Variants in MAPK7 observed in about 807,000 individuals in gnomAD.
MAPK7 encodes BMK-1.
In MAPK7, 30 loss-of-function variants were observed where a neutral mutation model predicts 56.9. The ratio of observed to expected loss-of-function variants is 0.53; its 90% CI spans 0.39 to 0.72. MAPK7 has a LOEUF of 0.72. MAPK7 is among the 30% of genes least tolerant of loss of function. The pLI is 0.00. For synonymous variants in MAPK7, 516 were observed against 449.3 expected, an observed-to-expected ratio of 1.15 and a Z score of -1.88; for missense variants, 952 against 1,110.8, an observed-to-expected ratio of 0.86 and a Z score of 2.03.
upstream of MAPK7, chr17:19,378,319 T>C (rs1912275406): frequency 5.1e-6 from 5 of 988,362 alleles, no homozygotes; most frequent in Non-Finnish European, 6.0e-6. This position sits in a 1 kb window ranked among gnomAD's most constrained non-coding sequence, Gnocchi z 5.4. Flanking sequence ...GGGCACCCTT[T>C]GGGCGGCTCC....
Position 19,381,514 on chromosome 17 carries a change from A to G in MAPK7, c.1305A>G (p.Pro435=), listed in dbSNP as rs1244240856. The change falls in exon 4 of 7, where the codon CCA becomes CCG. Residue 435 remains proline (P), a synonymous_variant. Transcript: ENST00000395604. This position sits in a 1 kb window ranked among gnomAD's most constrained non-coding sequence, Gnocchi z 4.6. ...PSGDCAMESP[P]PAPPPCPGPA... ...GGGACTGTGCCATGGAGTCTCCACC[A>G]CCAGCCCCGCCACCATGCCCCGGCC... is the stretch of plus-strand genomic sequence containing the variant. 6.2e-7 allele frequency: 1 copy of G among 1,613,500 alleles called. No homozygotes were observed. Among genetic ancestry groups the G allele is most frequent in the East Asian group, 2.2e-5 (1 of 44,872 alleles).
chr17:19,378,855 C>T lies in MAPK7; in HGVS notation c.-5-41C>T, dbSNP rs573586298. The T allele has an allele frequency of 4.0e-6, 6 of 1,490,906 alleles. No individual in the cohort carries two copies. Among genetic ancestry groups the T allele is most frequent in the African/African-American group, 1.4e-5 (1 of 71,824 alleles). 92.4% of individuals were successfully genotyped at this position (1,490,906 alleles called of 1,614,324 possible). ...CAGCCCGCAGAGGGGACACTGAGGC[C>T]CACGGTAGGTGGTCCTCTCCTCACC... On this transcript the variant is annotated intron_variant, in intron 1 of 6. Transcript: ENST00000395604. The surrounding 1 kb of genome is among the most constrained non-coding windows in gnomAD (Gnocchi z 5.4).
At position 19,381,615 on chromosome 17, in the gene MAPK7, G is replaced by C; in HGVS notation, c.1406G>C (p.Gly469Ala). The C allele has an allele frequency of 6.2e-7, 1 of 1,613,826 alleles. No homozygotes were observed. Among genetic ancestry groups the C allele is most frequent in the Non-Finnish European group, 8.5e-7 (1 of 1,179,902 alleles). ...VSEPAPPKKDGAISDNTKAAL... is the reference protein window; with the variant it reads ...VSEPAPPKKDAAISDNTKAAL... ...GAGCCTGCCCCACCAAAGAAAGATG[G>C]TGCCATCTCAGACAATACTAAGGCT... The change falls in exon 4 of 7, where the codon GGT (glycine) becomes GCT (alanine). Residue 469 changes from glycine to alanine, a missense_variant. Around this residue, in one of 5 missense-constraint regions of MAPK7, gnomAD observed 429 missense variants for 533.0 expected, o/e 0.80. Coordinates refer to ENST00000395604, the MANE Select transcript of MAPK7 (RefSeq NM_002749.4). The surrounding 1 kb of genome is among the most constrained non-coding windows in gnomAD (Gnocchi z 4.6).
In MAPK7 at chr17:19,379,131, C is replaced by T. The variant is rs142428761; in HGVS notation, c.231C>T (p.Thr77=). ...TGTCCTCCGCCCGCCGCCGCCTCAC[C>T]GGTGAGCTTCCTGAGCCGTCGCCTC... ...GVVSSARRRL[T]GQQVAIKKIP... The change falls in exon 2 of 7, where the codon ACC becomes ACT. Residue 77 remains threonine, a splice_region_variant and synonymous_variant. Transcript: ENST00000395604. 2 of 1,611,698 alleles carry T rather than the reference C, an allele frequency of 1.2e-6. No individual in the cohort carries two copies. The highest frequency in any genetic ancestry group is 1.1e-5 in the South Asian group (1 of 90,794).
Position 19,382,829 on chromosome 17 carries a change from C to T in MAPK7, c.2180C>T (p.Pro727Leu). The part of the protein sequence containing the change: ...LSKSQVEDPL[P>L]PVFSGTPKGS... ...TCCCTGCAGGTGGAGGACCCCCTGC[C>T]CCCTGTGTTCTCAGGCACACCAAAG... The change falls in exon 6 of 7, where the codon CCC becomes CTC. Residue 727 changes from proline to leucine, a missense_variant. Pro to Leu is a moderately conservative substitution (Grantham distance 98). Transcript: ENST00000395604. The T allele has an allele frequency of 6.2e-7, 1 of 1,614,168 alleles. No homozygotes were observed. The highest frequency in any genetic ancestry group is 2.2e-5 in the East Asian group (1 of 44,876).
chr17:19,383,337 A>G lies in MAPK7; in HGVS notation c.*106A>G. 7.7e-7 allele frequency: 1 copy of G among 1,291,688 alleles called. No individual in the cohort carries two copies. The highest frequency in any genetic ancestry group is 2.6e-4 in the Middle Eastern group (1 of 3,798). The allele number at this position is 1,291,688 out of a possible 1,614,324, so 80.0% of individuals were successfully genotyped here. A position where few individuals can be genotyped will look rare whatever the true frequency, so the allele number is the denominator to read the frequency against. Reference sequence around the variant, plus strand: ...ACCCAGCAGGTGAGGCTCGGCTTGGATTATTCTGCAGGTTCATCTCAGACC... The same window carrying G: ...ACCCAGCAGGTGAGGCTCGGCTTGGGTTATTCTGCAGGTTCATCTCAGACC... On this transcript the variant is annotated 3_prime_UTR_variant, in exon 7 of 7. Transcript: ENST00000395604.
At chr17:19,377,913 G>C (rs575370576), upstream of MAPK7, 2 of 985,286 alleles carry the variant, frequency 2.0e-6, no homozygotes, top group Non-Finnish European at 2.4e-6. Flanking sequence ...GCTGCGGAGA[G>C]GCTCAGCCAC....
Position 19,381,613 on chromosome 17 carries a change from T to G in MAPK7, c.1404T>G (p.Asp468Glu). 1 of 1,613,840 alleles carries G rather than the reference T, an allele frequency of 6.2e-7. No individual in the cohort carries two copies. Residue 468 changes from aspartate (D) to glutamate (E), a missense_variant, in exon 4 of 7, where the codon GAT becomes GAG. Physicochemically the swap from Asp to Glu is conservative, Grantham distance 45 (BLOSUM62 2). This residue lies in a region of MAPK7 where 429 missense variants were observed against 533.0 expected (regional missense o/e 0.80). Coordinates refer to ENST00000395604, the MANE Select transcript of MAPK7 (RefSeq NM_002749.4). The surrounding 1 kb of genome is among the most constrained non-coding windows in gnomAD (Gnocchi z 4.6). ...GTGAGCCTGCCCCACCAAAGAAAGA[T>G]GGTGCCATCTCAGACAATACTAAGG... ...PVSEPAPPKK[D>E]GAISDNTKAA...
Position 19,382,819 on chromosome 17 carries a change from G to C in MAPK7, c.2170G>C (p.Asp724His). Reference sequence around the variant, plus strand: ...AACCTGTCATTCCCTGCAGGTGGAGGACCCCCTGCCCCCTGTGTTCTCAGG... The same window carrying C: ...AACCTGTCATTCCCTGCAGGTGGAGCACCCCCTGCCCCCTGTGTTCTCAGG... ...TQQLSKSQVEDPLPPVFSGTP... is the reference protein window; with the variant it reads ...TQQLSKSQVEHPLPPVFSGTP... Residue 724 changes from aspartate to histidine, a missense_variant, in exon 6 of 7, where the codon GAC (aspartate) becomes CAC (histidine). Around this residue, in one of 5 missense-constraint regions of MAPK7, gnomAD observed 234 missense variants for 210.4 expected, o/e 1.11. Coordinates refer to ENST00000395604, the MANE Select transcript of MAPK7 (RefSeq NM_002749.4). 1 of 1,613,946 alleles carries C rather than the reference G, an allele frequency of 6.2e-7. No homozygotes were observed. Among genetic ancestry groups the C allele is most frequent in the Non-Finnish European group, 8.5e-7 (1 of 1,179,904 alleles).
chr17:19,379,834 T>C lies in MAPK7; in HGVS notation c.285T>C (p.Asn95=). ...KIPNAFDVVT[N]AKRTLRELKI... is the part of the protein sequence containing the mutation. ...CTAATGCTTTCGATGTGGTGACCAA[T>C]GCCAAGCGGACCCTCAGGGAGCTGA... The change falls in exon 3 of 7, where the codon AAT becomes AAC. Residue 95 remains asparagine (N), a synonymous_variant. Transcript: ENST00000395604. The C allele has an allele frequency of 6.2e-7, 1 of 1,614,230 alleles. No individual in the cohort carries two copies. Among genetic ancestry groups the C allele is most frequent in the Admixed American group, 1.7e-5 (1 of 60,024 alleles).
Position 19,378,748 on chromosome 17 carries a change from G to T in MAPK7, c.-6+118G>T, listed in dbSNP as rs894246156. 1.5e-6 allele frequency: 2 copies of T among 1,318,784 alleles called. No homozygotes were observed. Among genetic ancestry groups the T allele is most frequent in the African/African-American group, 3.0e-5 (2 of 67,148 alleles). The allele number at this position is 1,318,784 out of a possible 1,614,324, so 81.7% of individuals were successfully genotyped here. ...CCCGGCTCTGGGCCCGGACCCCTGG[G>T]GTAGCTAGTCTGCCACGAACCAGCC... On this transcript the variant is annotated intron_variant, in intron 1 of 6. Coordinates refer to ENST00000395604, the MANE Select transcript of MAPK7 (RefSeq NM_002749.4). The surrounding 1 kb of genome is among the most constrained non-coding windows in gnomAD (Gnocchi z 5.4).
intron 2 of MAPK7, 92 bp downstream of exon 2, chr17:19,379,224 G>T (rs976100931): frequency 8.5e-7 from 1 of 1,181,600 alleles, no homozygotes. Context: ...GGAAAGCGGG[G>T]TGCGAGTTCT....
rs1055754752 is a variant in MAPK7 at position 19,383,359 on chromosome 17, G to C, written c.*128G>C. 1 of 1,078,424 alleles carries C rather than the reference G, an allele frequency of 9.3e-7. No individual in the cohort carries two copies. The highest frequency in any genetic ancestry group is 1.3e-6 in the Non-Finnish European group (1 of 768,966). The allele number at this position is 1,078,424 out of a possible 1,614,324, so 66.8% of individuals were successfully genotyped here. On this transcript the variant is annotated 3_prime_UTR_variant, in exon 7 of 7. Transcript: ENST00000395604. ...TGGATTATTCTGCAGGTTCATCTCA[G>C]ACCCACCTTTCAGCCTTAAGCAGCC...
rs1176675847 is a variant in MAPK7 at position 19,383,159 on chromosome 17, G to T, written c.2379G>T (p.Glu793Asp). 1 of 1,614,072 alleles carries T rather than the reference G, an allele frequency of 6.2e-7. No homozygotes were observed. Among genetic ancestry groups the T allele is most frequent in the African/African-American group, 1.3e-5 (1 of 75,008 alleles). ...EGHGMNPADI[E>D]SLQREIQMDS... ...ATGGCATGAACCCTGCCGATATTGA[G>T]TCCCTGCAGCGTGAGATCCAGATGG... The change falls in exon 7 of 7, where the codon GAG (glutamate) becomes GAT (aspartate). Residue 793 changes from glutamate (E) to aspartate (D), a missense_variant. Glu to Asp is a conservative substitution (Grantham distance 45, BLOSUM62 2). Around this residue, in one of 5 missense-constraint regions of MAPK7, gnomAD observed 73 missense variants for 104.6 expected, o/e 0.70. Coordinates refer to ENST00000395604, the MANE Select transcript of MAPK7 (RefSeq NM_002749.4).
chr17:19,382,585 G>A (rs1912812378), intron 5 of MAPK7, 119 bp downstream of exon 5: 1 of 1,495,538 alleles, frequency 6.7e-7, no homozygotes, highest in Non-Finnish European at 8.9e-7. Flanking sequence ...CTCTGAACGT[G>A]TCCTCTTGCT....
chr17:19,379,495 G>A, intron 2 of MAPK7: 2 of 558,550 alleles, frequency 3.6e-6, no homozygotes, highest in South Asian at 4.4e-5. Flanking sequence ...AGGCATAAGA[G>A]GCTGAGCTAC....
Position 19,382,128 on chromosome 17 carries a change from C to A in MAPK7, c.1825C>A (p.Pro609Thr). Reference sequence around the variant, plus strand: ...CCAACCTACCAGTCCTCCTCCTGGCCCTGTAGCCCAGCCCACTGGCCCGCA... The same window carrying A: ...CCAACCTACCAGTCCTCCTCCTGGCACTGTAGCCCAGCCCACTGGCCCGCA... ...PVQPTSPPPG[P>T]VAQPTGPQPQ... The change falls in exon 5 of 7, where the codon CCT becomes ACT. Residue 609 changes from proline to threonine, a missense_variant. Coordinates refer to ENST00000395604, the MANE Select transcript of MAPK7 (RefSeq NM_002749.4). 1 of 1,612,554 alleles carries A rather than the reference C, an allele frequency of 6.2e-7. No homozygotes were observed. Among genetic ancestry groups the A allele is most frequent in the Non-Finnish European group, 8.5e-7 (1 of 1,179,748 alleles).
At chr17:19,377,971 C>T, upstream of MAPK7, 1 of 985,384 alleles carries the variant, frequency 1.0e-6, no homozygotes. Flanking sequence ...TCCCGGAGGA[C>T]CGGGATCTCT....
intron 2 of MAPK7, chr17:19,379,501 G>A (rs2152290593): frequency 5.4e-6 from 3 of 560,630 alleles, no homozygotes; most frequent in Middle Eastern, 4.8e-4. Context: ...AAGAGGCTGA[G>A]CTACACCACT....
Sources: allele counts gnomAD v4.1 joint callset, GRCh38; gene constraint gnomAD v4.1.1; regional missense constraint gnomAD v4.1.1; non-coding constraint Gnocchi (gnomAD v3.1); transcripts MANE v1.5; gene names NCBI Gene and HGNC (gene_info 2026-07-23, HGNC 2026-07-21).